The following SDK1 variants were observed in gnomAD, a reference collection of about 807,000 sequenced individuals.
SDK1 encodes the protein sidekick cell adhesion molecule 1, also known as protein sidekick-1.
Under a neutral mutation model 245.5 loss-of-function variants are expected in SDK1, and 157 were observed. The ratio of observed to expected loss-of-function variants is 0.64; its 90% CI spans 0.56 to 0.73. The LOEUF (loss-of-function observed/expected upper bound fraction) is 0.73. SDK1 is among the 30% of genes least tolerant of loss of function. The pLI is 0.00. For missense variants in SDK1, 3,583 were observed against 3,002.3 expected, an observed-to-expected ratio of 1.19 and a Z score of -4.52; for synonymous variants, 1,647 against 1,278.5, an observed-to-expected ratio of 1.29 and a Z score of -6.15.
intron 4 of SDK1, among the ~76,000 whole-genome samples, chr7:3,797,197 G>A (rs187624719): frequency 1.3e-4 from 20 of 151,826 alleles, no homozygotes; most frequent in Admixed American, 3.3e-4. Flanking sequence ...GTAGAGATGG[G>A]GTCTCTAACC....
chr7:3,309,303 C>G (rs777597402), intron 1 of SDK1, among the ~76,000 whole-genome samples: 4 of 151,460 alleles, frequency 2.6e-5, no homozygotes, highest in Non-Finnish European at 2.9e-5. Flanking sequence ...GATTTTTATA[C>G]ACAAACCACC....
intron 4 of SDK1, among the ~76,000 whole-genome samples, chr7:3,801,349 T>G (rs1023763717): frequency 6.6e-5 from 10 of 152,224 alleles, no homozygotes; most frequent in Non-Finnish European, 1.5e-4. Context: ...TCCAATGTCA[T>G]TGCAAGGTTA....
At chr7:3,745,488 A>G (rs1156333866) in intron 4 of SDK1, among the ~76,000 whole-genome samples, 6 of 152,182 alleles carry the variant, frequency 3.9e-5, no homozygotes, top group African/African-American at 1.4e-4. Context: ...GTTAACTAGA[A>G]TAGAAACGTT....
intron 1 of SDK1, among the ~76,000 whole-genome samples, chr7:3,365,107 C>T (rs1241763696): frequency 6.6e-6 from 1 of 152,098 alleles, no homozygotes; most frequent in East Asian, 1.9e-4. Context: ...TATCCTGTGA[C>T]CTTGCTGATT....
intron 5 of SDK1, among the ~76,000 whole-genome samples, chr7:3,848,764 C>T (rs1275242942): frequency 1.3e-5 from 2 of 152,108 alleles, no homozygotes; most frequent in Non-Finnish European, 2.9e-5. Flanking sequence ...CTCCGCCTCC[C>T]GAGTTCAAGC....
rs1400998875 is a variant in SDK1 at position 4,183,607 on chromosome 7, C to G, written c.5098+5021C>G. On this transcript the variant is annotated intron_variant, in intron 35 of 44. Coordinates refer to ENST00000404826, the MANE Select transcript of SDK1 (RefSeq NM_152744.4). ...AGTAAGCCAAAATCGCACCACTGCA[C>G]TCCAGCCTGGGCTACAGAGCAAGAC... Among the ~76,000 whole-genome samples the G allele has an allele frequency of 2.0e-5, 3 of 148,334 alleles. No homozygotes were observed. The East Asian group carries it at 6.0e-4, about 30-fold the overall frequency.
chr7:4,246,952 T>C (rs1191604368), intron 44 of SDK1, among the ~76,000 whole-genome samples: 1 of 152,188 alleles, frequency 6.6e-6, no homozygotes, highest in Non-Finnish European at 1.5e-5. Flanking sequence ...TCAACACACC[T>C]TCCCTACAGG....
chr7:4,173,408 CAA>C (rs1206843769), intron 32 of SDK1, among the ~76,000 whole-genome samples: 1 of 152,160 alleles, frequency 6.6e-6, no homozygotes, highest in Non-Finnish European at 1.5e-5. Flanking sequence ...AAGGAAAAGG[CAA>C]GCCTTGCGCT....
Position 4,121,959 on chromosome 7 carries a change from T to A in SDK1, c.3824-5422T>A, listed in dbSNP as rs537820650. Among the ~76,000 whole-genome samples the A allele has an allele frequency of 7.9e-5, 12 of 152,282 alleles. No individual in the cohort carries two copies. The East Asian group carries it at 2.3e-3, about 29-fold the overall frequency. On this transcript the variant is annotated intron_variant, in intron 25 of 44. Coordinates refer to ENST00000404826, the MANE Select transcript of SDK1 (RefSeq NM_152744.4). Reference sequence around the variant, plus strand: ...AAAAATTTTATAATTGGGTTATTGATCTTCATTTCAAGATGTGGATGATTC... The same window carrying A: ...AAAAATTTTATAATTGGGTTATTGAACTTCATTTCAAGATGTGGATGATTC...
At position 3,797,734 on chromosome 7, in the gene SDK1, A is replaced by C. The variant is rs545069611; in HGVS notation, c.714-23716A>C. ...TTTTGCTGTATGGCATGAGTTAAGGATCTAAATTTTTTTAAATGGCTAGTG... is the reference window on the plus strand; with the variant it reads ...TTTTGCTGTATGGCATGAGTTAAGGCTCTAAATTTTTTTAAATGGCTAGTG... On this transcript the variant is annotated intron_variant, in intron 4 of 44. Transcript: ENST00000404826. 3.5e-4 allele frequency among the ~76,000 whole-genome samples: 54 copies of C among 152,226 alleles called. No individual in the cohort carries two copies. The South Asian group carries it at 0.011, about 31-fold the overall frequency.
rs377441671 is a variant in SDK1 at position 3,490,432 on chromosome 7, A to G, written c.299-128648A>G. On this transcript the variant is annotated intron_variant, in intron 1 of 44. Coordinates refer to ENST00000404826, the MANE Select transcript of SDK1 (RefSeq NM_152744.4). ...GGTGTGAAATAAATTTATGCATTCA[A>G]TAAGTATTTATTGAGTGCCTGTGAT... Among the ~76,000 whole-genome samples the G allele has an allele frequency of 7.9e-5, 12 of 152,312 alleles. No homozygotes were observed. In the East Asian group the frequency reaches 1.7e-3, roughly 22 times the overall value.
chr7:4,031,829 C>T (rs928945398), intron 17 of SDK1, among the ~76,000 whole-genome samples: 6 of 152,008 alleles, frequency 3.9e-5, no homozygotes, highest in Non-Finnish European at 4.4e-5. Flanking sequence ...GAGTTCTAGA[C>T]CAGCCTGGCC....
At chr7:4,153,249 T>C (rs1475095455) in intron 30 of SDK1, among the ~76,000 whole-genome samples, 2 of 150,338 alleles carry the variant, frequency 1.3e-5, no homozygotes, top group African/African-American at 4.9e-5. Flanking sequence ...TTTTTTTTTT[T>C]TCTTTTTCCG....
chr7:3,325,747 A>T (rs1369457510), intron 1 of SDK1, among the ~76,000 whole-genome samples: 1 of 152,162 alleles, frequency 6.6e-6, no homozygotes, highest in African/African-American at 2.4e-5. Flanking sequence ...TGTGTTACAA[A>T]TTTTTTACAA....
intron 5 of SDK1, among the ~76,000 whole-genome samples, chr7:3,829,371 C>T (rs533763934): frequency 6.6e-6 from 1 of 152,084 alleles, no homozygotes; most frequent in South Asian, 2.1e-4. Context: ...GGAGAAGGCC[C>T]TAACATGTCT....
At chr7:3,569,165 A>G (rs1780024647) in intron 1 of SDK1, among the ~76,000 whole-genome samples, 1 of 152,176 alleles carries the variant, frequency 6.6e-6, no homozygotes, top group Non-Finnish European at 1.5e-5. Context: ...AAAGTTAGTG[A>G]AAAGAGTACA....
chr7:3,677,694 A>C (rs1044390721), intron 4 of SDK1, among the ~76,000 whole-genome samples: 1 of 152,252 alleles, frequency 6.6e-6, no homozygotes, highest in South Asian at 2.1e-4. Context: ...TTATGAATTG[A>C]AAGATTCAAT....
intron 19 of SDK1, among the ~76,000 whole-genome samples, chr7:4,064,527 T>C (rs959634040): frequency 6.6e-6 from 1 of 152,046 alleles, no homozygotes; most frequent in African/African-American, 2.4e-5. Context: ...AAACTAAAAA[T>C]AGAACTACCC....
chr7:3,713,961 C>T (rs949657139), intron 4 of SDK1, among the ~76,000 whole-genome samples: 1 of 152,160 alleles, frequency 6.6e-6, no homozygotes, highest in African/African-American at 2.4e-5. Context: ...AAAGAGAGAG[C>T]ACCTCAGACC....
Sources: gnomAD v4.1 joint callset for allele counts (sites outside exome capture counted in the v4.1 genomes callset) on GRCh38, gnomAD v4.1.1 for gene constraint, MANE v1.5 for transcripts, NCBI Gene and HGNC (gene_info 2026-07-23, HGNC 2026-07-21) for gene names.